ACTR3C: variants seen among roughly 807,000 people sequenced by gnomAD.
ACTR3C encodes the protein actin related protein 3C, also known as actin-related protein 3C.
A neutral mutation model predicts 26.3 loss-of-function variants in ACTR3C; 18 were observed. That is an observed-to-expected ratio of 0.68 (90% CI 0.47 to 1.01). The LOEUF (loss-of-function observed/expected upper bound fraction) is 1.01, where lower values mean the gene tolerates loss of function less well. ACTR3C is among the 50% of genes least tolerant of loss of function. The pLI, the probability that ACTR3C is intolerant of heterozygous loss-of-function variation, is 0.00. For missense variants in ACTR3C, 184 were observed against 250.7 expected (o/e 0.73, Z 1.80); for synonymous variants, 55 against 94.5 (o/e 0.58, Z 2.42).
intron 3 of ACTR3C, among the ~76,000 whole-genome samples, chr7:150,289,837 AAAATGATTTCATTAGG>A (rs149444803): frequency 0.18 from 28,013 of 152,178 alleles, 3,525 homozygotes; most frequent in African/African-American, 0.34. Context: ...AAAAGCAACC[AAAATGATTTCATTAGG>A]AATATGAAAA....
At chr7:150,275,508 C>T (rs982802615) in intron 6 of ACTR3C, among the ~76,000 whole-genome samples, 2 of 152,106 alleles carry the variant, frequency 1.3e-5, no homozygotes, top group African/African-American at 2.4e-5. Context: ...GTCAGGAGTT[C>T]GAGACCAGCC....
At chr7:150,098,943 A>G in the ACTR3C span, among the ~76,000 whole-genome samples, 2 of 150,574 alleles carry the variant, frequency 1.3e-5, no homozygotes, top group African/African-American at 4.9e-5. Context: ...CTTTCAAGCA[A>G]AGCCAATCTG....
chr7:149,932,264 G>C, the ACTR3C span, among the ~76,000 whole-genome samples: 1 of 152,086 alleles, frequency 6.6e-6, no homozygotes, highest in African/African-American at 2.4e-5. Context: ...TATATGACAC[G>C]GCCAGAGTAG....
chr7:150,277,271 C>T (rs911025726), intron 6 of ACTR3C, among the ~76,000 whole-genome samples: 36 of 152,032 alleles, frequency 2.4e-4, no homozygotes, highest in Non-Finnish European at 3.1e-4. Context: ...CCCAGGAGTT[C>T]GAGACCAGCT....
intron 1 of ACTR3C, chr7:150,302,905 A>T (rs1435634846): frequency 6.6e-6 from 1 of 152,268 alleles, no homozygotes; most frequent in African/African-American, 2.4e-5. Context: ...CCTCCTGGCC[A>T]GAGGCTCCCT....
the ACTR3C span, among the ~76,000 whole-genome samples, chr7:150,142,829 T>A: frequency 6.9e-6 from 1 of 144,274 alleles, no homozygotes; most frequent in East Asian, 2.1e-4. Context: ...ACGCCTGGCT[T>A]TTTTTTGTTT....
chr7:150,178,776 C>A, the ACTR3C span, among the ~76,000 whole-genome samples: 1 of 150,828 alleles, frequency 6.6e-6, no homozygotes, highest in East Asian at 1.9e-4. Context: ...GTTAAAATGT[C>A]AACCAATGAA....
the ACTR3C span, among the ~76,000 whole-genome samples, chr7:149,980,525 GTGT>G: frequency 6.6e-6 from 1 of 152,218 alleles, no homozygotes; most frequent in East Asian, 1.9e-4. Flanking sequence ...TTTGAAGCTA[GTGT>G]TTCATTCTTT....
At chr7:150,022,382 T>C in the ACTR3C span, among the ~76,000 whole-genome samples, 3 of 151,522 alleles carry the variant, frequency 2.0e-5, no homozygotes, top group Non-Finnish European at 2.9e-5. Flanking sequence ...CTGTGTCAGA[T>C]ACATAGTTTG....
chr7:150,091,215 C>T, the ACTR3C span, among the ~76,000 whole-genome samples: 9 of 132,268 alleles, frequency 6.8e-5, no homozygotes, highest in Admixed American at 3.2e-4. Context: ...TCTGGAAACC[C>T]GCTGCATTCT....
the ACTR3C span, among the ~76,000 whole-genome samples, chr7:149,918,625 G>C: frequency 1.1e-4 from 16 of 152,196 alleles, no homozygotes; most frequent in African/African-American, 3.6e-4. Flanking sequence ...AGGAGGCGGA[G>C]GTTGCAGTGA....
chr7:149,981,587 C>T, the ACTR3C span, among the ~76,000 whole-genome samples: 1 of 149,776 alleles, frequency 6.7e-6, no homozygotes, highest in Admixed American at 6.7e-5. Flanking sequence ...GCCTAAGTGG[C>T]CTCTGTTTAC....
chr7:150,160,875 A>G, the ACTR3C span, among the ~76,000 whole-genome samples: 2 of 148,634 alleles, frequency 1.3e-5, no homozygotes, highest in Non-Finnish European at 3.0e-5. Flanking sequence ...TTACAGGAGT[A>G]TAAAGTGCTT....
the ACTR3C span, among the ~76,000 whole-genome samples, chr7:150,100,346 A>G: frequency 2.3e-4 from 35 of 151,854 alleles, 2 homozygotes; most frequent in African/African-American, 8.0e-4. Context: ...CTGGCCTCCA[A>G]TCTGCAAGGA....
At chr7:150,202,507 A>G in the ACTR3C span, among the ~76,000 whole-genome samples, 2 of 152,136 alleles carry the variant, frequency 1.3e-5, 1 homozygote, top group Admixed American at 1.3e-4. Context: ...AGCAATATAA[A>G]TTTGCTAGAT....
At chr7:150,110,506 G>A in the ACTR3C span, among the ~76,000 whole-genome samples, 1 of 117,626 alleles carries the variant, frequency 8.5e-6, no homozygotes, top group Admixed American at 8.4e-5. Context: ...GAGGAGGTGG[G>A]GCTGCCTGAG....
At chr7:150,123,465 T>A in the ACTR3C span, among the ~76,000 whole-genome samples, 1 of 152,086 alleles carries the variant, frequency 6.6e-6, no homozygotes, top group Non-Finnish European at 1.5e-5. Flanking sequence ...TTCCCTAGTG[T>A]AACTTTGCTG....
At chr7:149,896,040 A>AAAAAAAAAAAAAAAAAC in the ACTR3C span, among the ~76,000 whole-genome samples, 1 of 90,662 alleles carries the variant, frequency 1.1e-5, no homozygotes, top group East Asian at 3.1e-4. Flanking sequence ...TCTACAAAAA[A>AAAAAAAAAAAAAAAAAC]AAAAAAAAAA....
chr7:150,142,498 A>C, the ACTR3C span, among the ~76,000 whole-genome samples: 2 of 152,060 alleles, frequency 1.3e-5, no homozygotes, highest in South Asian at 4.2e-4. Context: ...TGTTCAAGCC[A>C]TTGTCTATTT....
Sources: gnomAD v4.1 joint callset for allele counts (sites outside exome capture counted in the v4.1 genomes callset) on GRCh38, gnomAD v4.1.1 for gene constraint, MANE v1.5 for transcripts, NCBI Gene and HGNC (gene_info 2026-07-23, HGNC 2026-07-21) for gene names.